Variants in TNRC18 observed in about 807,000 individuals in gnomAD.
The protein encoded by TNRC18 is trinucleotide repeat-containing gene 18 protein.
TNRC18 carries 69 observed loss-of-function variants against 226.7 expected under a neutral mutation model. The observed-to-expected ratio is 0.30, with a 90% CI of 0.25 to 0.37. The LOEUF (loss-of-function observed/expected upper bound fraction) is 0.37, where lower values mean the gene tolerates loss of function less well. Among genes scored for constraint, TNRC18 ranks in the 10% least tolerant of loss-of-function variants. The probability of loss-of-function intolerance (pLI) is 1.00; values close to 1 mark genes in which losing one functional copy is unlikely to be tolerated. For missense variants in TNRC18, 4,754 were observed against 4,256.6 expected (o/e 1.12, Z -3.25); for synonymous variants, 2,449 against 1,927.6 (o/e 1.27, Z -7.09).
At chr7:5,379,260 T>G (rs1168866343) in intron 5 of TNRC18, among the ~76,000 whole-genome samples, 2 of 151,548 alleles carry the variant, frequency 1.3e-5, no homozygotes, top group Non-Finnish European at 2.9e-5. Flanking sequence ...CATGGTGGCA[T>G]GCACCGGTAG....
At chr7:5,308,514 G>A (rs1378085272) in intron 29 of TNRC18, among the ~76,000 whole-genome samples, 1 of 151,986 alleles carries the variant, frequency 6.6e-6, no homozygotes, top group Non-Finnish European at 1.5e-5. Flanking sequence ...TGAGAGACAA[G>A]GATAGACAGA....
At chr7:5,404,823 T>C (rs1454850543) in intron 2 of TNRC18, among the ~76,000 whole-genome samples, 2 of 151,250 alleles carry the variant, frequency 1.3e-5, no homozygotes, top group African/African-American at 4.9e-5. Context: ...CTAAAAAGTA[T>C]ACAGAAATGG....
Position 5,351,947 on chromosome 7 carries a change from C to T in TNRC18, c.5342G>A (p.Gly1781Asp), listed in dbSNP as rs1293769313. 1.2e-6 allele frequency: 2 copies of T among 1,613,914 alleles called. No homozygotes were observed. Among genetic ancestry groups the T allele is most frequent in the Admixed American group, 3.3e-5 (2 of 60,016 alleles). The change falls in exon 17 of 30, where the codon GGC becomes GAC. Residue 1781 changes from glycine (G) to aspartate (D), a missense_variant. Coordinates refer to ENST00000430969, the MANE Select transcript of TNRC18 (RefSeq NM_001080495.3). ...AAGGPKLTKR[G>D]LAAPRTLKPK... ...TTTCAGAGTCCGGGGGGCCGCCAGG[C>T]CCCTCTTGGTCAGCTTGGGGCCACC... is the stretch of plus-strand genomic sequence containing the variant.
chr7:5,375,587 C>T (rs529180387), intron 9 of TNRC18, among the ~76,000 whole-genome samples: 6 of 152,094 alleles, frequency 3.9e-5, no homozygotes, highest in African/African-American at 1.4e-4. Context: ...CAGAGCAGAC[C>T]CTTTGTGTCC....
At chr7:5,345,909 A>T in intron 17 of TNRC18, 99 bp from the exon 18 acceptor site, 1 of 1,443,350 alleles carries the variant, frequency 6.9e-7, no homozygotes, top group South Asian at 1.4e-5. Context: ...GCTCCAGCCT[A>T]GTCCCTCAGT....
chr7:5,387,576 A>C, intron 5 of TNRC18, 96 bp downstream of exon 5: 1 of 1,491,192 alleles, frequency 6.7e-7, no homozygotes, highest in East Asian at 2.3e-5. Context: ...ATAAAGACTT[A>C]GCAATAGCAA....
chr7:5,414,115 TTC>T (rs1386949630), intron 2 of TNRC18, among the ~76,000 whole-genome samples: 3 of 151,704 alleles, frequency 2.0e-5, no homozygotes, highest in African/African-American at 7.3e-5. Flanking sequence ...CCCAGCTAAT[TTC>T]TGTATTTTTA....
intron 11 of TNRC18, among the ~76,000 whole-genome samples, chr7:5,367,757 CAAA>C (rs34348992): frequency 1.5e-5 from 2 of 131,412 alleles, no homozygotes; most frequent in Non-Finnish European, 1.7e-5. Context: ...TTCTTCTACC[CAAA>C]AAAAAAAAAA....
At chr7:5,375,556 C>T (rs1340426044) in intron 9 of TNRC18, among the ~76,000 whole-genome samples, 1 of 152,162 alleles carries the variant, frequency 6.6e-6, no homozygotes, top group Non-Finnish European at 1.5e-5. Context: ...TTGCTGTATG[C>T]ACTACCTGGG....
chr7:5,317,208 C>T (rs1787934758), intron 24 of TNRC18, among the ~76,000 whole-genome samples: 1 of 152,018 alleles, frequency 6.6e-6, no homozygotes, highest in African/African-American at 2.4e-5. Context: ...TCAGGGTCCC[C>T]AGACGCCTAA....
intron 18 of TNRC18, among the ~76,000 whole-genome samples, chr7:5,339,527 A>G (rs1413704249): frequency 6.8e-6 from 1 of 148,124 alleles, no homozygotes; most frequent in African/African-American, 2.5e-5. Context: ...GGCGCGAGCT[A>G]TCGTGCCCAG....
intron 24 of TNRC18, 117 bp downstream of exon 24, chr7:5,320,201 G>C: frequency 1.3e-6 from 1 of 785,088 alleles, no homozygotes; most frequent in Non-Finnish European, 2.1e-6. Flanking sequence ...ACAGTTTTCA[G>C]TTATGTGAGC....
Position 5,389,297 on chromosome 7 carries a change from A to C in TNRC18, c.527T>G (p.Leu176Arg). 1 of 1,286,082 alleles carries C rather than the reference A, an allele frequency of 7.8e-7. No homozygotes were observed. The highest frequency in any genetic ancestry group is 2.6e-5 in the South Asian group (1 of 39,074). The allele number at this position is 1,286,082 out of a possible 1,614,324, so 79.7% of individuals were successfully genotyped here. Reference sequence around the variant, plus strand: ...CCGGGCCGAGGGCGCGTGAGAGTGCAGGGAGCCCGGAGCCCCCGCGGTGGG... The same window carrying C: ...CCGGGCCGAGGGCGCGTGAGAGTGCCGGGAGCCCGGAGCCCCCGCGGTGGG... ...YLPTAGAPGS[L>R]HSHAPSARTP... The change falls in exon 5 of 30, where the codon CTG becomes CGG. Residue 176 changes from leucine (L) to arginine (R), a missense_variant. Transcript: ENST00000430969.
intron 2 of TNRC18, among the ~76,000 whole-genome samples, chr7:5,397,834 T>A (rs993509551): frequency 2.0e-5 from 3 of 152,052 alleles, no homozygotes; most frequent in Non-Finnish European, 4.4e-5. Context: ...TCTGCCAGCC[T>A]CCTTGTGGAT....
intron 5 of TNRC18, among the ~76,000 whole-genome samples, chr7:5,386,849 C>T (rs1011307391): frequency 2.0e-5 from 3 of 152,068 alleles, no homozygotes; most frequent in South Asian, 2.1e-4. Context: ...CTGAGATGGG[C>T]GGATCACCTG....
Position 5,421,403 on chromosome 7 carries a change from G to A in TNRC18, c.-157C>T, listed in dbSNP as rs1350472279. ...CCAGCGGGGCTTGCGCTCGGCGGCG[G>A]GCCCGCGGCCCGGGGCGCACAGGCG... On this transcript the variant is annotated 5_prime_UTR_variant, in exon 2 of 30. Coordinates refer to ENST00000430969, the MANE Select transcript of TNRC18 (RefSeq NM_001080495.3). 2 of 559,512 alleles carry A rather than the reference G, an allele frequency of 3.6e-6. No homozygotes were observed. Among genetic ancestry groups the A allele is most frequent in the Non-Finnish European group, 4.6e-6 (2 of 432,460 alleles). 34.7% of individuals were successfully genotyped at this position (559,512 alleles called of 1,614,324 possible).
intron 8 of TNRC18, 107 bp from the exon 9 acceptor site, chr7:5,376,331 G>A (rs893385406): frequency 1.9e-6 from 2 of 1,049,218 alleles, no homozygotes; most frequent in Non-Finnish European, 2.6e-6. Flanking sequence ...ACACAGTGGG[G>A]AGCTGGGCTC....
intron 12 of TNRC18, 75 bp downstream of exon 12, chr7:5,362,575 T>C (rs1322470762): frequency 4.3e-6 from 6 of 1,380,974 alleles, no homozygotes; most frequent in Non-Finnish European, 5.8e-6. Flanking sequence ...CCCCAGGCAG[T>C]AGGGCACCTC....
At chr7:5,354,284 G>C (rs1469606752) in intron 16 of TNRC18, among the ~76,000 whole-genome samples, 1 of 151,912 alleles carries the variant, frequency 6.6e-6, no homozygotes, top group Non-Finnish European at 1.5e-5. Flanking sequence ...GAACACACCA[G>C]CTCGGAGCAC....
Sources: allele counts gnomAD v4.1 joint callset (sites outside exome capture counted in the v4.1 genomes callset), GRCh38; gene constraint gnomAD v4.1.1; transcripts MANE v1.5; gene names NCBI Gene and HGNC (gene_info 2026-07-23, HGNC 2026-07-21).